Variants in RBM45 observed in about 807,000 individuals in gnomAD.
RBM45 encodes the protein RNA binding motif protein 45.
A neutral mutation model predicts 58.5 loss-of-function variants in RBM45; 39 were observed. The ratio of observed to expected loss-of-function variants is 0.67; its 90% confidence interval spans 0.52 to 0.87. The LOEUF is 0.87. Among genes scored for constraint, RBM45 ranks in the 40% least tolerant of loss-of-function variants. The pLI is 0.00. For missense variants in RBM45, 481 were observed against 581.6 expected (o/e 0.83, Z 1.78); for synonymous variants, 193 against 203.0 (o/e 0.95, Z 0.42).
chr2:178,116,458 ATGT>A (rs2087778910), intron 2 of RBM45, 74 bp downstream of exon 2: 7 of 1,315,258 alleles, frequency 5.3e-6, no homozygotes, highest in East Asian at 2.6e-5. Flanking sequence ...TAAATCTGAA[ATGT>A]TGTTGGAATA....
chr2:178,118,311 AT>A, intron 3 of RBM45, 130 bp downstream of exon 3: 1 of 888,306 alleles, frequency 1.1e-6, no homozygotes, highest in Non-Finnish European at 1.6e-6. Flanking sequence ...GTATTTAAAT[AT>A]TTACAGTCCA....
chr2:178,123,534 T>G lies in RBM45; in HGVS notation c.866T>G (p.Val289Gly). 1 of 1,592,266 alleles carries G rather than the reference T, an allele frequency of 6.3e-7. No homozygotes were observed. The highest frequency in any genetic ancestry group is 1.2e-5 in the South Asian group (1 of 86,044). ...TTCTCTATTTTAGGTCATGGAGTGG[T>G]TCAGTATTTTAATGTAGCATCAGCT... ...DPYSNYGHGV[V>G]QYFNVASAIY... The change falls in exon 6 of 10, where the codon GTT (valine) becomes GGT (glycine). Residue 289 changes from valine to glycine, a missense_variant. Physicochemically the swap from Val to Gly is moderately radical, Grantham distance 109 (BLOSUM62 -3). Transcript: ENST00000286070.
chr2:178,123,502 C>A lies in RBM45; in HGVS notation c.854-20C>A. 1.2e-5 allele frequency: 18 copies of A among 1,542,624 alleles called. No individual in the cohort carries two copies. Among genetic ancestry groups the A allele is most frequent in the Non-Finnish European group, 1.6e-5 (18 of 1,151,980 alleles). On this transcript the variant is annotated intron_variant, in intron 5 of 9. Transcript: ENST00000286070. ...CTCAGTCTGCTTTCCTTTTTCATTT[C>A]TGTATGTTCTCTATTTTAGGTCATG...
At chr2:178,125,867 T>C (rs1005334021) in intron 8 of RBM45, 117 bp from the exon 9 acceptor site, 1 of 742,912 alleles carries the variant, frequency 1.3e-6, no homozygotes, top group Non-Finnish European at 2.4e-6. Context: ...TTGACATGAG[T>C]TGGATGTTGG....
In RBM45 at chr2:178,112,752, C is replaced by G. The variant is rs776159390; in HGVS notation, c.206C>G (p.Ala69Gly). Residue 69 changes from alanine (A) to glycine (G), a missense_variant, in exon 1 of 10, where the codon GCT (alanine) becomes GGT (glycine). By Grantham distance (60) the Ala-to-Gly change is moderately conservative. Transcript: ENST00000286070. ...CACACCAAGGAGTCCAAGGGCATTG[C>G]TTTCGTCAAGTTCGCCCGCAGCTCA... ...DKHTKESKGI[A>G]FVKFARSSQA... is the part of the protein sequence containing the mutation. 97 of 1,613,972 alleles carry G rather than the reference C, an allele frequency of 6.0e-5. No homozygotes were observed. The highest frequency in any genetic ancestry group is 3.5e-4 in the Admixed American group (21 of 60,018).
intron 8 of RBM45, 71 bp from the exon 9 acceptor site, chr2:178,125,913 G>A (rs2087922891): frequency 6.4e-6 from 8 of 1,242,782 alleles, no homozygotes; most frequent in African/African-American, 5.9e-5. Flanking sequence ...GTCAAGAATG[G>A]ACTCCAAATT....
At chr2:178,112,984 G>A in intron 1 of RBM45, 138 bp downstream of exon 1, 1 of 904,310 alleles carries the variant, frequency 1.1e-6, no homozygotes, top group Non-Finnish European at 1.6e-6. Context: ...CTGGCTTGGG[G>A]ACAGGGGCTG....
chr2:178,115,625 C>G (rs1358558022), intron 1 of RBM45, among the ~76,000 whole-genome samples: 1 of 152,058 alleles, frequency 6.6e-6, no homozygotes, highest in Non-Finnish European at 1.5e-5. Flanking sequence ...TTCATAAGTT[C>G]CAGTTTTCTC....
intron 2 of RBM45, among the ~76,000 whole-genome samples, chr2:178,117,269 T>C (rs1032745652): frequency 6.6e-6 from 1 of 152,156 alleles, no homozygotes; most frequent in African/African-American, 2.4e-5. Context: ...CCTCCAGTAG[T>C]AAGGAAAATG....
intron 7 of RBM45, 41 bp from the exon 8 acceptor site, chr2:178,124,086 A>G (rs746313820): frequency 6.4e-6 from 10 of 1,564,044 alleles, no homozygotes; most frequent in Non-Finnish European, 7.8e-6. Flanking sequence ...AAATCCCTAA[A>G]GGGCATTTTT....
At position 178,126,127 on chromosome 2, in the gene RBM45, T is replaced by C. The variant is rs527405488; in HGVS notation, c.1376T>C (p.Leu459Pro). The C allele has an allele frequency of 3.7e-6, 6 of 1,614,116 alleles. No individual in the cohort carries two copies. The highest frequency in any genetic ancestry group is 4.2e-6 in the Non-Finnish European group (5 of 1,179,968). Residue 459 changes from leucine (L) to proline (P), a missense_variant, in exon 9 of 10, where the codon CTG becomes CCG. Leu to Pro is a moderately conservative substitution (Grantham distance 98). Transcript: ENST00000286070. Reference protein sequence around the residue: ...ILNGVRLKVMLADSPREESNK... With the variant: ...ILNGVRLKVMPADSPREESNK... ...AATGGGGTGAGACTTAAAGTTATGCTGGCAGATTCGCCAAGAGAAGAATCT... is the reference window on the plus strand; with the variant it reads ...AATGGGGTGAGACTTAAAGTTATGCCGGCAGATTCGCCAAGAGAAGAATCT...
chr2:178,130,984 G>A (rs334060), downstream of RBM45, among the ~76,000 whole-genome samples: 15,080 of 152,298 alleles, frequency 0.099, 811 homozygotes, highest in African/African-American at 0.12. Flanking sequence ...TGGCGCGACT[G>A]TAGTCCCAGC....
rs1443010556 is a variant in RBM45 at position 178,129,388 on chromosome 2, T to G, written c.*9-9T>G. 6.6e-6 allele frequency: 1 copy of G among 152,658 alleles called. No homozygotes were observed. Among genetic ancestry groups the G allele is most frequent in the African/African-American group, 2.4e-5 (1 of 41,464 alleles). 9.5% of individuals were successfully genotyped at this position (152,658 alleles called of 1,614,324 possible). A position where few individuals can be genotyped will look rare whatever the true frequency, so the allele number is the denominator to read the frequency against. The stretch of plus-strand genomic sequence containing the variant: ...TGATTTTCATACTTGTGTTGTGTTC[T>G]TTCTACAGAACAAAGACTAAATAAT... On this transcript the variant is annotated splice_polypyrimidine_tract_variant and intron_variant, in intron 9 of 9. Coordinates refer to ENST00000286070, the MANE Select transcript of RBM45 (RefSeq NM_152945.4).
At position 178,120,378 on chromosome 2, in the gene RBM45, A is replaced by G. The variant is rs772461242; in HGVS notation, c.642A>G (p.Gly214=). 4 of 1,612,986 alleles carry G rather than the reference A, an allele frequency of 2.5e-6. No individual in the cohort carries two copies. The South Asian group carries it at 4.4e-5, about 18-fold the overall frequency. ...YYSNMRQEAL[G]HEPRVNMFPF... The stretch of plus-strand genomic sequence containing the variant: ...GTAATATGAGGCAAGAAGCTTTGGG[A>G]CATGAACCTAGAGTAAATATGTTTC... Residue 214 remains glycine, a synonymous_variant, in exon 4 of 10, where the codon GGA becomes GGG. Coordinates refer to ENST00000286070, the MANE Select transcript of RBM45 (RefSeq NM_152945.4).
In RBM45 at chr2:178,123,896, G is replaced by A. The variant is rs2087890756; in HGVS notation, c.1052G>A (p.Ser351Asn). Residue 351 changes from serine to asparagine, a missense_variant, in exon 7 of 10, where the codon AGT (serine) becomes AAT (asparagine). By Grantham distance (46) the Ser-to-Asn change is conservative (BLOSUM62 1). Coordinates refer to ENST00000286070, the MANE Select transcript of RBM45 (RefSeq NM_152945.4). ...GCATCAATGGTGTGGAATAACCCAA[G>A]TCAGCAACAATTTATGGTAAGTAGG... ...QLASMVWNNP[S>N]QQQFMQFGGS... 3 of 1,613,932 alleles carry A rather than the reference G, an allele frequency of 1.9e-6. No individual in the cohort carries two copies. Among genetic ancestry groups the A allele is most frequent in the Non-Finnish European group, 2.5e-6 (3 of 1,179,874 alleles).
intron 1 of RBM45, among the ~76,000 whole-genome samples, chr2:178,115,807 G>A (rs183834369): frequency 3.4e-4 from 51 of 152,174 alleles, no homozygotes; most frequent in African/African-American, 1.2e-3. Flanking sequence ...TGCAAAAGTA[G>A]AAATACATTT....
chr2:178,137,987 A>T (rs560434141), exon 4 of RBM45: 1 of 152,318 alleles, frequency 6.6e-6, no homozygotes, highest in East Asian at 1.9e-4. Flanking sequence ...GCAGGGTATT[A>T]TGATGGCAAG....
intron 5 of RBM45, among the ~76,000 whole-genome samples, chr2:178,122,510 G>A (rs535901807): frequency 4.1e-4 from 62 of 152,136 alleles, no homozygotes; most frequent in South Asian, 1.9e-3. Flanking sequence ...GATCATATGC[G>A]TCATTCTCTG....
In RBM45 at chr2:178,112,708, C is replaced by G; in HGVS notation, c.162C>G (p.Ile54Met). 1 of 1,614,266 alleles carries G rather than the reference C, an allele frequency of 6.2e-7. No individual in the cohort carries two copies. The highest frequency in any genetic ancestry group is 8.5e-7 in the Non-Finnish European group (1 of 1,180,054). ...CGCCTTTTGGCGACATCCAGGACAT[C>G]TGGGTGGTGCGGGACAAGCACACCA... ...RFSPFGDIQDIWVVRDKHTKE... is the reference protein window; with the variant it reads ...RFSPFGDIQDMWVVRDKHTKE... Residue 54 changes from isoleucine (I) to methionine (M), a missense_variant, in exon 1 of 10, where the codon ATC becomes ATG. Physicochemically the swap from Ile to Met is conservative, Grantham distance 10 (BLOSUM62 1). Coordinates refer to ENST00000286070, the MANE Select transcript of RBM45 (RefSeq NM_152945.4).
Sources: gnomAD v4.1 joint callset for allele counts (sites outside exome capture counted in the v4.1 genomes callset) on GRCh38, gnomAD v4.1.1 for gene constraint, MANE v1.5 for transcripts, NCBI Gene and HGNC (gene_info 2026-07-23, HGNC 2026-07-21) for gene names.